Variants in BDNF observed in about 807,000 individuals in gnomAD.
BDNF encodes the protein neurotrophic factor BDNF precursor form.
A neutral mutation model predicts 19.5 loss-of-function variants in BDNF; 1 was observed. The ratio of observed to expected loss-of-function variants is 0.05; its 90% CI spans 0.02 to 0.24. The LOEUF is 0.24. Ranked by LOEUF, BDNF falls within the 10% of genes least tolerant of loss-of-function variation. The probability of loss-of-function intolerance (pLI) is 1.00; values close to 1 mark genes in which losing one functional copy is unlikely to be tolerated. For missense variants in BDNF, 195 were observed against 317.6 expected, an observed-to-expected ratio of 0.61 and a Z score of 2.93; for synonymous variants, 100 against 121.6, an observed-to-expected ratio of 0.82 and a Z score of 1.17.
At position 27,656,558 on chromosome 11, in the gene BDNF, C is replaced by T; in HGVS notation, c.*1263G>A. 1.0e-6 allele frequency: 1 copy of T among 985,856 alleles called. No individual in the cohort carries two copies. The highest frequency in any genetic ancestry group is 1.2e-6 in the Non-Finnish European group (1 of 829,976). The allele number at this position is 985,856 out of a possible 1,614,324, so 61.1% of individuals were successfully genotyped here. A position where few individuals can be genotyped will look rare whatever the true frequency, so the allele number is the denominator to read the frequency against. On this transcript the variant is annotated 3_prime_UTR_variant, in exon 2 of 2. Coordinates refer to ENST00000356660, the MANE Select transcript of BDNF (RefSeq NM_001709.5). ...TGGGATGGCCACTCAGAAATTCCTC[C>T]CGCACTGCCGGTAAATGCAATGCCA...
At chr11:27,697,902 C>T (rs1049940737) in intron 1 of BDNF, 1 of 152,152 alleles carries the variant, frequency 6.6e-6, no homozygotes, top group African/African-American at 2.4e-5. Context: ...TGCTTCAAAA[C>T]ATGTACGTAA....
chr11:27,701,070 C>T, upstream of BDNF: 1 of 1,341,330 alleles, frequency 7.5e-7, no homozygotes, highest in Non-Finnish European at 9.9e-7. Flanking sequence ...GCCTTAAACA[C>T]GCCGGCTTAA....
At chr11:27,662,970 A>G (rs11030104) in intron 1 of BDNF, among the ~76,000 whole-genome samples, 25,433 of 152,250 alleles carry the variant, frequency 0.17, 2,922 homozygotes, top group East Asian at 0.47. Context: ...ACACTACCAC[A>G]TACTAACTGT....
upstream of BDNF, among the ~76,000 whole-genome samples, chr11:27,704,839 A>G (rs1327094849): frequency 3.9e-5 from 6 of 152,226 alleles, no homozygotes; most frequent in Admixed American, 1.3e-4. Flanking sequence ...TAAGCTTTTT[A>G]TGAACCATAA....
In BDNF at chr11:27,656,627, G is replaced by A. The variant is rs1852579830; in HGVS notation, c.*1194C>T. The A allele has an allele frequency of 2.0e-6, 2 of 985,714 alleles. No individual in the cohort carries two copies. The highest frequency in any genetic ancestry group is 2.4e-6 in the Non-Finnish European group (2 of 829,916). 61.1% of individuals were successfully genotyped at this position (985,714 alleles called of 1,614,324 possible). A position where few individuals can be genotyped will look rare whatever the true frequency, so the allele number is the denominator to read the frequency against. ...TTGGCTGTTCAGTCTCATGTCACTGGCAATGTGGATTCCTGTTCTGATCTA... is the reference window on the plus strand; with the variant it reads ...TTGGCTGTTCAGTCTCATGTCACTGACAATGTGGATTCCTGTTCTGATCTA... On this transcript the variant is annotated 3_prime_UTR_variant, in exon 2 of 2. Coordinates refer to ENST00000356660, the MANE Select transcript of BDNF (RefSeq NM_001709.5).
rs986426146 is a variant in BDNF, at chr11:27,656,907, G to A, written c.*914C>T. On this transcript the variant is annotated 3_prime_UTR_variant, in exon 2 of 2. Coordinates refer to ENST00000356660, the MANE Select transcript of BDNF (RefSeq NM_001709.5). ...GCAGTGGTAAAATATTTCAGAACGC[G>A]CAACTGATTTTTCTTCCTTAAAACA... is the stretch of plus-strand genomic sequence containing the variant. 2.0e-6 allele frequency: 2 copies of A among 985,074 alleles called. No individual in the cohort carries two copies. Among genetic ancestry groups the A allele is most frequent in the African/African-American group, 1.8e-5 (1 of 57,142 alleles). The allele number at this position is 985,074 out of a possible 1,614,324, so 61.0% of individuals were successfully genotyped here.
At chr11:27,680,493 C>T (rs1856710933) in intron 1 of BDNF, among the ~76,000 whole-genome samples, 1 of 152,134 alleles carries the variant, frequency 6.6e-6, no homozygotes, top group Non-Finnish European at 1.5e-5. Flanking sequence ...TTATGGATAC[C>T]TGCCTAGAAC....
intron 1 of BDNF, among the ~76,000 whole-genome samples, chr11:27,718,674 C>G (rs1422598390): frequency 6.6e-6 from 1 of 151,634 alleles, no homozygotes; most frequent in Non-Finnish European, 1.5e-5. Flanking sequence ...TAAACCCTGC[C>G]CTACGCTCCC....
At position 27,700,422 on chromosome 11, in the gene BDNF, G is replaced by T. The variant is rs919198307; in HGVS notation, c.-280C>A. 1.0e-6 allele frequency: 1 copy of T among 985,508 alleles called. No individual in the cohort carries two copies. The highest frequency in any genetic ancestry group is 1.2e-6 in the Non-Finnish European group (1 of 830,038). 61.0% of individuals were successfully genotyped at this position (985,508 alleles called of 1,614,324 possible). A position where few individuals can be genotyped will look rare whatever the true frequency, so the allele number is the denominator to read the frequency against. On this transcript the variant is annotated 5_prime_UTR_variant, in exon 1 of 2. Transcript: ENST00000356660. The stretch of plus-strand genomic sequence containing the variant: ...CGGGCGGGTGCGCCCGGGCGCGGCG[G>T]CGGCAGCGTCGGGGACCCGGAGCTC...
chr11:27,670,764 C>T (rs538760208), intron 1 of BDNF, among the ~76,000 whole-genome samples: 3 of 152,162 alleles, frequency 2.0e-5, no homozygotes, highest in Non-Finnish European at 4.4e-5. Flanking sequence ...ACAACAGGTG[C>T]TGGAAAGGAT....
Position 27,719,084 on chromosome 11 carries a change from T to G in BDNF, c.3+2328A>C, listed in dbSNP as rs535021978. Among the ~76,000 whole-genome samples the G allele has an allele frequency of 2.2e-4, 33 of 152,096 alleles. 1 individual carries two copies. The South Asian group carries it at 6.2e-3, about 29-fold the overall frequency. ...CTAAGTCCCTGAGCTCCCTGAAGAG[T>G]GGCAAGAGGATAACGCAGCCGCGCG... On this transcript the variant is annotated intron_variant, in intron 1 of 1. Coordinates refer to the BDNF transcript ENST00000314915.
intron 1 of BDNF, among the ~76,000 whole-genome samples, chr11:27,661,331 T>C (rs1853409072): frequency 6.6e-6 from 1 of 152,156 alleles, no homozygotes; most frequent in African/African-American, 2.4e-5. Flanking sequence ...CTAACAATGG[T>C]TCCCTGATAT....
rs564017678 is a variant in BDNF at position 27,657,279 on chromosome 11, C to T, written c.*542G>A. 47 of 985,764 alleles carry T rather than the reference C, an allele frequency of 4.8e-5. No individual in the cohort carries two copies. Among genetic ancestry groups the T allele is most frequent in the Middle Eastern group, 5.2e-4 (1 of 1,912 alleles). The allele number at this position is 985,764 out of a possible 1,614,324, so 61.1% of individuals were successfully genotyped here. ...AAAACACAAAACAAACAAAAATATA[C>T]CCCCCATCCCCCATCCCCTAAGCCA... On this transcript the variant is annotated 3_prime_UTR_variant, in exon 2 of 2. Coordinates refer to ENST00000356660, the MANE Select transcript of BDNF (RefSeq NM_001709.5). The surrounding 1 kb of genome is among the most constrained non-coding windows in gnomAD (Gnocchi z 5.0).
chr11:27,696,542 T>C (rs1260641250), intron 1 of BDNF: 1 of 152,206 alleles, frequency 6.6e-6, no homozygotes, highest in Admixed American at 6.5e-5. Flanking sequence ...CACAGAATTC[T>C]CTCCTCGATT....
At chr11:27,701,375 CTA>C (rs1859887015), upstream of BDNF, 8 of 1,052,376 alleles carry the variant, frequency 7.6e-6, no homozygotes, top group South Asian at 1.6e-4. Context: ...CTCCCACACT[CTA>C]TTATTTTTTC....
At chr11:27,720,988 C>T (rs1007860926) in intron 1 of BDNF, among the ~76,000 whole-genome samples, 23 of 148,382 alleles carry the variant, frequency 1.6e-4, no homozygotes, top group African/African-American at 5.2e-4. Context: ...TTTACCCCAC[C>T]CTTACCCCCA....
chr11:27,705,671 G>C (rs1860079572), intron 1 of BDNF, among the ~76,000 whole-genome samples: 1 of 152,184 alleles, frequency 6.6e-6, no homozygotes, highest in Non-Finnish European at 1.5e-5. Flanking sequence ...CACAGGCATG[G>C]TGAGAATGAA....
intron 1 of BDNF, chr11:27,720,915 T>C (rs1434585537): frequency 8.0e-6 from 3 of 375,036 alleles, no homozygotes; most frequent in Non-Finnish European, 1.1e-5. Context: ...ACCGGTGATA[T>C]GCACTTCTGA....
At chr11:27,711,094 C>T (rs1860307930) in intron 1 of BDNF, among the ~76,000 whole-genome samples, 1 of 152,162 alleles carries the variant, frequency 6.6e-6, no homozygotes, top group Non-Finnish European at 1.5e-5. Context: ...AGGGCTTTGA[C>T]ATTAGACAGA....
Sources: allele counts gnomAD v4.1 joint callset (sites outside exome capture counted in the v4.1 genomes callset), GRCh38; gene constraint gnomAD v4.1.1; non-coding constraint Gnocchi (gnomAD v3.1); transcripts MANE v1.5; gene names NCBI Gene and HGNC (gene_info 2026-07-23, HGNC 2026-07-21).